The following SRGAP2 variants were observed in gnomAD, a reference collection of about 807,000 sequenced individuals.
SRGAP2 encodes SLIT-ROBO Rho GTPase activating protein 2.
Under a neutral mutation model 57.2 loss-of-function variants are expected in SRGAP2, and 15 were observed. The observed-to-expected ratio is 0.26, with a 90% confidence interval of 0.18 to 0.40. The LOEUF (loss-of-function observed/expected upper bound fraction) is 0.40, where lower values mean the gene tolerates loss of function less well. SRGAP2 is among the 10% of genes least tolerant of loss of function. SRGAP2 has a pLI of 1.00. For synonymous variants in SRGAP2, 249 were observed against 248.0 expected (o/e 1.00, Z -0.04); for missense variants, 520 against 669.6 (o/e 0.78, Z 2.47).
intron 3 of SRGAP2, among the ~76,000 whole-genome samples, chr1:206,319,305 G>T (rs1441128263): frequency 6.7e-6 from 1 of 148,656 alleles, no homozygotes; most frequent in African/African-American, 2.6e-5. Context: ...CACCTACTCA[G>T]GAGGCTGAGG....
intron 5 of SRGAP2, among the ~76,000 whole-genome samples, chr1:206,386,201 A>C (rs1251978593): frequency 6.6e-6 from 1 of 152,228 alleles, no homozygotes; most frequent in African/African-American, 2.4e-5. Flanking sequence ...GGCAGCTCCC[A>C]CAACAAAGAA....
intron 2 of SRGAP2, chr1:206,213,381 A>T: frequency 4.4e-6 from 4 of 914,504 alleles, no homozygotes; most frequent in Non-Finnish European, 5.2e-6. Context: ...ACTTCAAGAT[A>T]ACTAAATGAA....
At position 206,447,088 on chromosome 1, in the gene SRGAP2, C is replaced by T. The variant is rs543073492; in HGVS notation, c.2099+789C>T. Among the ~76,000 whole-genome samples the T allele has an allele frequency of 4.6e-5, 7 of 152,286 alleles. No individual in the cohort carries two copies. The South Asian group carries it at 6.2e-4, about 14-fold the overall frequency. On this transcript the variant is annotated intron_variant, in intron 18 of 22. Transcript: ENST00000573034. ...CAGGGTACAGTCCGTTACCCCATGC[C>T]ACCCGCCATGGTACCATTTACAGCG... is the stretch of plus-strand genomic sequence containing the variant.
At position 206,415,875 on chromosome 1, in the gene SRGAP2, C is replaced by T. The variant is rs552717510; in HGVS notation, c.1357-14C>T. On this transcript the variant is annotated splice_polypyrimidine_tract_variant and intron_variant, in intron 10 of 22. Transcript: ENST00000573034. ...AGGAGTCTGATTGCTCTTTTTCCTCCTCCTCTCTTACAGAAAATGAAAGAG... is the reference window on the plus strand; with the variant it reads ...AGGAGTCTGATTGCTCTTTTTCCTCTTCCTCTCTTACAGAAAATGAAAGAG... The T allele has an allele frequency of 3.9e-5, 30 of 772,250 alleles. 1 individual carries two copies. The highest frequency in any genetic ancestry group is 5.1e-5 in the Non-Finnish European group (21 of 413,872). The allele number at this position is 772,250 out of a possible 1,614,324, so 47.8% of individuals were successfully genotyped here. A position where few individuals can be genotyped will look rare whatever the true frequency, so the allele number is the denominator to read the frequency against.
chr1:206,319,542 G>A (rs1457153884), intron 3 of SRGAP2, among the ~76,000 whole-genome samples: 5 of 146,052 alleles, frequency 3.4e-5, no homozygotes, highest in Non-Finnish European at 7.4e-5. Context: ...CAGATGATAA[G>A]TGCTTAGGAA....
chr1:206,386,914 G>A (rs1387272616), intron 5 of SRGAP2, among the ~76,000 whole-genome samples: 1 of 151,664 alleles, frequency 6.6e-6, no homozygotes, highest in Non-Finnish European at 1.5e-5. Context: ...CATGAGGTCA[G>A]GAGATCGAGA....
At chr1:206,363,590 C>T (rs1434729621) in intron 4 of SRGAP2, among the ~76,000 whole-genome samples, 1 of 151,684 alleles carries the variant, frequency 6.6e-6, no homozygotes, top group South Asian at 2.1e-4. Context: ...CACATGATGT[C>T]GAGGTGAACT....
chr1:206,397,366 A>G (rs1282641359), intron 7 of SRGAP2, among the ~76,000 whole-genome samples: 2 of 151,700 alleles, frequency 1.3e-5, no homozygotes, highest in South Asian at 2.1e-4. Context: ...CCTGATCTTA[A>G]CATTATTCAT....
intron 10 of SRGAP2, among the ~76,000 whole-genome samples, chr1:206,411,351 G>A (rs992184558): frequency 6.6e-5 from 10 of 152,160 alleles, no homozygotes; most frequent in African/African-American, 2.4e-4. Context: ...CACTAGACTT[G>A]GAACTTGTGG....
intron 4 of SRGAP2, among the ~76,000 whole-genome samples, chr1:206,353,925 A>C (rs1676236210): frequency 1.4e-5 from 2 of 147,426 alleles, no homozygotes; most frequent in Middle Eastern, 7.0e-3. Context: ...TCAGCTTCTC[A>C]TGTGTCTGAT....
At chr1:206,441,658 C>T (rs1316055930) in intron 17 of SRGAP2, among the ~76,000 whole-genome samples, 1 of 152,200 alleles carries the variant, frequency 6.6e-6, no homozygotes, top group African/African-American at 2.4e-5. Context: ...ATCATACTTA[C>T]ATTTGGGGAA....
intron 4 of SRGAP2, among the ~76,000 whole-genome samples, chr1:206,358,948 G>C (rs1445909822): frequency 2.0e-5 from 3 of 151,366 alleles, no homozygotes; most frequent in Non-Finnish European, 2.9e-5. Flanking sequence ...AATGTAATGA[G>C]TCGTACAGAC....
chr1:206,453,831 G>A (rs12130290), intron 20 of SRGAP2: 58,353 of 320,066 alleles, frequency 0.18, 5,901 homozygotes, highest in South Asian at 0.26. Context: ...AAAATGACTG[G>A]TTTTCTAGGA....
intron 14 of SRGAP2, among the ~76,000 whole-genome samples, chr1:206,435,499 T>C (rs574872039): frequency 2.6e-5 from 4 of 152,338 alleles, no homozygotes; most frequent in Admixed American, 1.3e-4. Flanking sequence ...CTGGCACTGA[T>C]GACACACTTG....
chr1:206,419,462 C>T (rs782234789), intron 12 of SRGAP2, 62 bp downstream of exon 12: 11 of 779,668 alleles, frequency 1.4e-5, no homozygotes, highest in Non-Finnish European at 2.4e-5. Flanking sequence ...AGCAATCTTA[C>T]TCTGGGAGAG....
intron 3 of SRGAP2, among the ~76,000 whole-genome samples, chr1:206,324,419 C>T (rs1314491940): frequency 1.3e-5 from 2 of 152,212 alleles, no homozygotes. Context: ...TAAAATCTTC[C>T]ATCTAGGACT....
chr1:206,365,743 G>C (rs1334082556), intron 4 of SRGAP2, among the ~76,000 whole-genome samples: 1 of 140,622 alleles, frequency 7.1e-6, no homozygotes, highest in Non-Finnish European at 1.5e-5. Context: ...ACCTGGTTGG[G>C]GACCCAGGGC....
intron 2 of SRGAP2, among the ~76,000 whole-genome samples, chr1:206,238,878 G>A (rs1314035512): frequency 1.8e-4 from 26 of 145,744 alleles, no homozygotes; most frequent in Non-Finnish European, 3.2e-4. Flanking sequence ...AACTCCTCTT[G>A]CTCTGTAGTC....
At chr1:206,399,148 A>T (rs1657899251) in intron 7 of SRGAP2, among the ~76,000 whole-genome samples, 1 of 152,216 alleles carries the variant, frequency 6.6e-6, no homozygotes, top group South Asian at 2.1e-4. Flanking sequence ...AACAGAGAGT[A>T]TTTCATTGGA....
Sources: allele counts gnomAD v4.1 joint callset (sites outside exome capture counted in the v4.1 genomes callset), GRCh38; gene constraint gnomAD v4.1.1; transcripts MANE v1.5; gene names NCBI Gene and HGNC (gene_info 2026-07-23, HGNC 2026-07-21).